TSR1: variants seen among roughly 807,000 people sequenced by gnomAD.
TSR1 encodes the protein TSR1 ribosome maturation factor.
Under a neutral mutation model 90.9 loss-of-function variants are expected in TSR1, and 81 were observed. The observed-to-expected ratio is 0.89, with a 90% confidence interval of 0.74 to 1.07. The LOEUF is 1.07. Among genes scored for constraint, TSR1 ranks in the 50% least tolerant of loss-of-function variants. The pLI, the probability that TSR1 is intolerant of heterozygous loss-of-function variation, is 0.00. For synonymous variants in TSR1, 362 were observed against 348.8 expected (o/e 1.04, Z -0.42); for missense variants, 989 against 987.3 (o/e 1.00, Z -0.02).
chr17:2,326,312 TGA>T (rs1428968981), intron 11 of TSR1, among the ~76,000 whole-genome samples: 1 of 152,194 alleles, frequency 6.6e-6, no homozygotes, highest in Non-Finnish European at 1.5e-5. Flanking sequence ...CTGCCACTGC[TGA>T]GAGTGAGTGA....
chr17:2,328,614 A>AAAAAAAAAC (rs2075587618), intron 11 of TSR1, among the ~76,000 whole-genome samples: 1 of 148,258 alleles, frequency 6.7e-6, no homozygotes, highest in African/African-American at 2.5e-5. Context: ...ACAAACAAAC[A>AAAAAAAAAC]AAAAAAAACA....
intron 12 of TSR1, 128 bp from the exon 13 acceptor site, chr17:2,324,957 A>G: frequency 9.5e-7 from 1 of 1,058,068 alleles, no homozygotes; most frequent in Non-Finnish European, 1.3e-6. Flanking sequence ...ATCTGAGGCT[A>G]AGATTGGTAA....
At position 2,324,297 on chromosome 17, in the gene TSR1, G is replaced by C. The variant is rs767241753; in HGVS notation, c.2314C>G (p.Arg772Gly). 1.3e-6 allele frequency: 2 copies of C among 1,561,188 alleles called. No individual in the cohort carries two copies. The highest frequency in any genetic ancestry group is 1.7e-6 in the Non-Finnish European group (2 of 1,158,502). ...QDTVLMNLYKRVFPKWTYDPY... is the reference protein window; with the variant it reads ...QDTVLMNLYKGVFPKWTYDPY... ...TCATAAGTCCATTTGGGGAAGACTCGTTTATACAGGTTCATCAGTACTGTG... is the reference window on the plus strand; with the variant it reads ...TCATAAGTCCATTTGGGGAAGACTCCTTTATACAGGTTCATCAGTACTGTG... The change falls in exon 15 of 15, where the codon CGA becomes GGA. Residue 772 changes from arginine (R) to glycine (G), a missense_variant. By Grantham distance (125) the Arg-to-Gly change is moderately radical. Coordinates refer to ENST00000301364, the MANE Select transcript of TSR1 (RefSeq NM_018128.5).
chr17:2,326,943 A>G (rs947689697), intron 11 of TSR1, among the ~76,000 whole-genome samples: 3 of 151,488 alleles, frequency 2.0e-5, no homozygotes, highest in African/African-American at 7.3e-5. Context: ...TATCTCTACT[A>G]ATAATAGAAA....
In TSR1 at chr17:2,324,713, C is replaced by A. The variant is rs762957618; in HGVS notation, c.2137G>T (p.Val713Leu). 1 of 1,614,166 alleles carries A rather than the reference C, an allele frequency of 6.2e-7. No homozygotes were observed. Among genetic ancestry groups the A allele is most frequent in the Non-Finnish European group, 8.5e-7 (1 of 1,180,024 alleles). The change falls in exon 13 of 15, where the codon GTA (valine) becomes TTA (leucine). Residue 713 changes from valine (V) to leucine (L), a missense_variant. By Grantham distance (32) the Val-to-Leu change is conservative. Coordinates refer to ENST00000301364, the MANE Select transcript of TSR1 (RefSeq NM_018128.5). ...PFKIFTKMAV[V>L]RYMFFNREDV... ...CCTCTGTTGAAGAACATGTAACGTA[C>A]TACTGCCATCTTAGTAAAAATTTTG... is the stretch of plus-strand genomic sequence containing the variant.
In TSR1 at chr17:2,323,296, T is replaced by C. The variant is rs1265468973; in HGVS notation, c.*900A>G. The C allele has an allele frequency of 1.2e-6, 2 of 1,614,108 alleles. No individual in the cohort carries two copies. The highest frequency in any genetic ancestry group is 1.7e-6 in the Non-Finnish European group (2 of 1,179,960). ...ATTGGCTTGAACACCTGGCCTATTA[T>C]CAGGGACCTTGTGGATGATATCTTC... On this transcript the variant is annotated 3_prime_UTR_variant, in exon 15 of 15. Transcript: ENST00000301364.
intron 6 of TSR1, 165 bp downstream of exon 6, chr17:2,333,392 G>T: frequency 1.1e-6 from 1 of 926,442 alleles, no homozygotes; most frequent in Non-Finnish European, 1.7e-6. Flanking sequence ...GAACAAGACT[G>T]TGTATAATGT....
At chr17:2,328,609 C>CA (rs2075587541) in intron 11 of TSR1, among the ~76,000 whole-genome samples, 4 of 143,710 alleles carry the variant, frequency 2.8e-5, no homozygotes, top group South Asian at 4.6e-4. Context: ...AACAAACAAA[C>CA]AAACAAAAAA....
chr17:2,326,749 G>C (rs899029253), intron 11 of TSR1, among the ~76,000 whole-genome samples: 2 of 152,116 alleles, frequency 1.3e-5, no homozygotes, highest in African/African-American at 4.8e-5. Context: ...AATCCCTCTT[G>C]CCTCAGCCTC....
Position 2,335,830 on chromosome 17 carries a change from C to T in TSR1, c.202-100G>A, listed in dbSNP as rs995364773. On this transcript the variant is annotated intron_variant, in intron 2 of 14. Transcript: ENST00000301364. ...AGATGCTCCCCCTACCCAAAACCAG[C>T]ATCTCTCTAGTAAAAGACCACAGGT... 4.3e-6 allele frequency: 6 copies of T among 1,397,782 alleles called. No homozygotes were observed. In the South Asian group the frequency reaches 5.2e-5, roughly 12 times the overall value. 86.6% of individuals were successfully genotyped at this position (1,397,782 alleles called of 1,614,324 possible). A position where few individuals can be genotyped will look rare whatever the true frequency, so the allele number is the denominator to read the frequency against.
At chr17:2,324,996 T>C (rs1160352821) in intron 12 of TSR1, 167 bp from the exon 13 acceptor site, 7 of 716,108 alleles carry the variant, frequency 9.8e-6, no homozygotes, top group Non-Finnish European at 1.1e-5. Flanking sequence ...ACCTTGTCAA[T>C]AGGTTCTTGA....
chr17:2,336,324 T>G lies in TSR1; in HGVS notation c.97+7A>C. 6.2e-7 allele frequency: 1 copy of G among 1,614,152 alleles called. No homozygotes were observed. The highest frequency in any genetic ancestry group is 1.1e-5 in the South Asian group (1 of 91,088). On this transcript the variant is annotated splice_region_variant and intron_variant, in intron 1 of 14. Transcript: ENST00000301364. ...TAGCCCTTATTCCTTCTACGTTATC[T>G]CCTTACCCTTGCCGTCCCGCTGTGC...
Position 2,325,035 on chromosome 17 carries a change from T to C in TSR1, c.2021-206A>G, listed in dbSNP as rs910018516. Reference sequence around the variant, plus strand: ...CTTGTACTTCAAGAGAAATGATGTATAACAAAACCATACTTTTTCTCATCA... The same window carrying C: ...CTTGTACTTCAAGAGAAATGATGTACAACAAAACCATACTTTTTCTCATCA... On this transcript the variant is annotated intron_variant, in intron 12 of 14. Coordinates refer to ENST00000301364, the MANE Select transcript of TSR1 (RefSeq NM_018128.5). The C allele has an allele frequency of 1.3e-4, 81 of 620,552 alleles. No homozygotes were observed. The East Asian group carries it at 1.7e-3, about 13-fold the overall frequency. The allele number at this position is 620,552 out of a possible 1,614,324, so 38.4% of individuals were successfully genotyped here. A position where few individuals can be genotyped will look rare whatever the true frequency, so the allele number is the denominator to read the frequency against.
chr17:2,335,088 C>T, intron 4 of TSR1, among the ~76,000 whole-genome samples, 172 bp downstream of exon 4: 1 of 151,954 alleles, frequency 6.6e-6, no homozygotes, highest in Non-Finnish European at 1.5e-5. Context: ...AAAGGACAGC[C>T]AAAAACAAAA....
In TSR1 at chr17:2,335,520, C is replaced by T. The variant is rs1203363069; in HGVS notation, c.412G>A (p.Ala138Thr). The T allele has an allele frequency of 6.2e-7, 1 of 1,613,778 alleles. No individual in the cohort carries two copies. Among genetic ancestry groups the T allele is most frequent in the Admixed American group, 1.7e-5 (1 of 60,006 alleles). Reference protein sequence around the residue: ...RLKHRWFFTSARPGDLHVVLD... With the variant: ...RLKHRWFFTSTRPGDLHVVLD... ...TGGTGTATACTCTAACCTGGCCTTG[C>T]TGAGGTGAAAAACCACCGATGTTTC... The change falls in exon 3 of 15, where the codon GCA becomes ACA. Residue 138 changes from alanine to threonine, a missense_variant. Coordinates refer to ENST00000301364, the MANE Select transcript of TSR1 (RefSeq NM_018128.5).
intron 4 of TSR1, 77 bp downstream of exon 4, chr17:2,335,183 C>T (rs554982298): frequency 1.4e-6 from 2 of 1,438,886 alleles, no homozygotes; most frequent in Non-Finnish European, 1.9e-6. Flanking sequence ...TATGATCCAT[C>T]AGTTGTATTC....
At chr17:2,327,968 T>G (rs1172917538) in intron 11 of TSR1, among the ~76,000 whole-genome samples, 1 of 151,778 alleles carries the variant, frequency 6.6e-6, no homozygotes, top group Non-Finnish European at 1.5e-5. Context: ...AAAGAATGAC[T>G]GGCCAGGCGC....
chr17:2,324,445 C>A, intron 14 of TSR1, 59 bp downstream of exon 14: 1 of 1,612,002 alleles, frequency 6.2e-7, no homozygotes. Context: ...TCCAACCCAA[C>A]AGTCATTTAG....
In TSR1 at chr17:2,336,069, C is replaced by T. The variant is rs1171305175; in HGVS notation, c.169G>A (p.Ala57Thr). Residue 57 changes from alanine (A) to threonine (T), a missense_variant, in exon 2 of 15, where the codon GCC becomes ACC. By Grantham distance (58) the Ala-to-Thr change is moderately conservative. Coordinates refer to ENST00000301364, the MANE Select transcript of TSR1 (RefSeq NM_018128.5). ...ELSRVDQRHR[A>T]SQLRKQKKEA... is the part of the protein sequence containing the mutation. ...TTCTTCTGCTTTCGGAGCTGGCTGG[C>T]GCGATGCCTCTGGTCGACTCTGCTG... 1.9e-6 allele frequency: 3 copies of T among 1,614,184 alleles called. No homozygotes were observed. The Admixed American group carries it at 5.0e-5, about 27-fold the overall frequency.
Sources: gnomAD v4.1 joint callset for allele counts (sites outside exome capture counted in the v4.1 genomes callset) on GRCh38, gnomAD v4.1.1 for gene constraint, MANE v1.5 for transcripts, NCBI Gene and HGNC (gene_info 2026-07-23, HGNC 2026-07-21) for gene names.